The following PDGFD variants were observed in gnomAD, a reference collection of about 807,000 sequenced individuals.
PDGFD encodes the protein platelet-derived growth factor D.
A neutral mutation model predicts 44.7 loss-of-function variants in PDGFD; 30 were observed. The observed-to-expected ratio is 0.67, with a 90% CI of 0.50 to 0.91. PDGFD has a LOEUF of 0.91. Among genes scored for constraint, PDGFD ranks in the 40% least tolerant of loss-of-function variants. The pLI is 0.00. For missense variants in PDGFD, 445 were observed against 457.8 expected, an observed-to-expected ratio of 0.97 and a Z score of 0.25; for synonymous variants, 173 against 168.4, an observed-to-expected ratio of 1.03 and a Z score of -0.21.
rs1555038980 is a variant in PDGFD, at chr11:103,971,540, G to GCA, written c.511-23817_511-23816insTG. 3.3e-5 allele frequency among the ~76,000 whole-genome samples: 5 copies of GCA among 151,928 alleles called. No individual in the cohort carries two copies. The East Asian group carries it at 5.8e-4, about 18-fold the overall frequency. ...GTGAGAAATGGATTAACAGCAATGT[G>GCA]TATACAGAGAAGAACTATCTGAGAT... On this transcript the variant is annotated intron_variant, in intron 3 of 6. Coordinates refer to ENST00000393158, the MANE Select transcript of PDGFD (RefSeq NM_025208.5).
intron 3 of PDGFD, among the ~76,000 whole-genome samples, chr11:103,972,360 A>T (rs77553836): frequency 0.027 from 4,095 of 152,192 alleles, 197 homozygotes; most frequent in African/African-American, 0.094. Flanking sequence ...GGGTATGCCA[A>T]ACCACCCCTG....
Position 104,159,317 on chromosome 11 carries a change from G to C in PDGFD, c.124+4487C>G, listed in dbSNP as rs538422691. Among the ~76,000 whole-genome samples the C allele has an allele frequency of 1.7e-3, 261 of 152,246 alleles. 1 individual carries two copies. The highest frequency in any genetic ancestry group is 3.1e-3 in the Non-Finnish European group (211 of 68,006). On this transcript the variant is annotated intron_variant, in intron 1 of 6. Transcript: ENST00000393158. ...CAAGTCATCTTAATCCTTTTAGAAA[G>C]ATCAATGTATTCCCTGAATGGCATG...
At chr11:104,158,302 G>A (rs886839455) in intron 1 of PDGFD, among the ~76,000 whole-genome samples, 2 of 152,190 alleles carry the variant, frequency 1.3e-5, no homozygotes, top group Admixed American at 6.5e-5. Context: ...GAAGCTACAC[G>A]TGTTCAGCCT....
chr11:103,968,866 C>T (rs560562975), intron 3 of PDGFD, among the ~76,000 whole-genome samples: 10 of 152,320 alleles, frequency 6.6e-5, no homozygotes, highest in Non-Finnish European at 1.2e-4. Context: ...TCTCCAACAT[C>T]ATTTCCAGCC....
intron 1 of PDGFD, among the ~76,000 whole-genome samples, chr11:104,108,876 A>G (rs1319545437): frequency 6.6e-6 from 1 of 152,178 alleles, no homozygotes; most frequent in Non-Finnish European, 1.5e-5. Context: ...CAGCTATAAG[A>G]AAGGATGAGT....
chr11:103,940,320 G>A (rs1157896293), intron 5 of PDGFD, among the ~76,000 whole-genome samples: 1 of 152,038 alleles, frequency 6.6e-6, no homozygotes, highest in African/African-American at 2.4e-5. Flanking sequence ...ACATTCAAAT[G>A]TCATCTTAGA....
chr11:104,052,121 C>T (rs1860549230), intron 1 of PDGFD, among the ~76,000 whole-genome samples: 2 of 152,154 alleles, frequency 1.3e-5, no homozygotes, highest in African/African-American at 2.4e-5. Context: ...CAACACATGA[C>T]CTTCTGTGTT....
chr11:104,071,727 A>G (rs2408841), intron 1 of PDGFD, among the ~76,000 whole-genome samples: 34,069 of 151,420 alleles, frequency 0.22, 4,229 homozygotes, highest in Non-Finnish European at 0.28. Flanking sequence ...TGTAGTTATG[A>G]AACCTTTCCA....
At chr11:103,972,166 T>A (rs1198021869) in intron 3 of PDGFD, among the ~76,000 whole-genome samples, 1 of 152,214 alleles carries the variant, frequency 6.6e-6, no homozygotes, top group Non-Finnish European at 1.5e-5. Flanking sequence ...AAACTCAGCA[T>A]TATTTACACT....
intron 1 of PDGFD, among the ~76,000 whole-genome samples, chr11:104,091,291 G>A (rs1223477272): frequency 6.6e-6 from 1 of 152,048 alleles, no homozygotes; most frequent in Non-Finnish European, 1.5e-5. Context: ...TAATATTACA[G>A]AATCAGGAAT....
At chr11:104,127,082 T>C (rs1340862775) in intron 1 of PDGFD, among the ~76,000 whole-genome samples, 2 of 151,996 alleles carry the variant, frequency 1.3e-5, no homozygotes, top group Non-Finnish European at 2.9e-5. Context: ...CCTGTTTTAC[T>C]CCACAAAAAG....
intron 1 of PDGFD, among the ~76,000 whole-genome samples, chr11:104,093,255 G>T (rs1170215767): frequency 6.6e-6 from 1 of 152,022 alleles, no homozygotes; most frequent in Non-Finnish European, 1.5e-5. Context: ...GGGGGGAGGT[G>T]ATGGGAGATT....
chr11:104,120,009 A>G (rs173413), intron 1 of PDGFD, among the ~76,000 whole-genome samples: 3,657 of 144,078 alleles, frequency 0.025, 167 homozygotes, highest in African/African-American at 0.088. Context: ...ATATATTAAT[A>G]TTATCTATTA....
intron 3 of PDGFD, among the ~76,000 whole-genome samples, chr11:103,968,195 C>T (rs751248711): frequency 5.3e-5 from 8 of 152,094 alleles, no homozygotes; most frequent in Non-Finnish European, 1.0e-4. Flanking sequence ...CTTTTAATGT[C>T]TTCTCGAATT....
chr11:104,078,103 C>T (rs968463874), intron 1 of PDGFD, among the ~76,000 whole-genome samples: 1 of 152,170 alleles, frequency 6.6e-6, no homozygotes, highest in East Asian at 1.9e-4. Context: ...GCCATTGTCT[C>T]TCAAATGCCT....
intron 1 of PDGFD, among the ~76,000 whole-genome samples, chr11:104,069,588 C>G (rs1860843227): frequency 6.6e-6 from 1 of 152,206 alleles, no homozygotes; most frequent in Non-Finnish European, 1.5e-5. Flanking sequence ...TGGCCGGGCA[C>G]AGTGGTTCAT....
intron 1 of PDGFD, among the ~76,000 whole-genome samples, chr11:104,050,322 A>G (rs1489256189): frequency 6.6e-6 from 1 of 152,136 alleles, no homozygotes; most frequent in Non-Finnish European, 1.5e-5. Flanking sequence ...ATAAGAATAA[A>G]AGAAGTGAAG....
At position 104,068,201 on chromosome 11, in the gene PDGFD, C is replaced by A. The variant is rs148295042; in HGVS notation, c.125-67946G>T. Among the ~76,000 whole-genome samples the A allele has an allele frequency of 1.6e-4, 25 of 152,188 alleles. No homozygotes were observed. The East Asian group carries it at 4.8e-3, about 29-fold the overall frequency. On this transcript the variant is annotated intron_variant, in intron 1 of 6. Transcript: ENST00000393158. ...TACCCACACCTTATATGGTGGAAAT[C>A]GATGTCTCCATTACAGAGTTTAAGT...
rs1860598099 is a variant in PDGFD, at chr11:104,054,963, C to G, written c.125-54708G>C. The stretch of plus-strand genomic sequence containing the variant: ...TGTCTTACCTTTAAGCTAAGAAAAA[C>G]AATACTGATCACTTAGAACACATTA... On this transcript the variant is annotated intron_variant, in intron 1 of 6. Transcript: ENST00000393158. 2.6e-5 allele frequency among the ~76,000 whole-genome samples: 4 copies of G among 152,302 alleles called. No individual in the cohort carries two copies. In the South Asian group the frequency reaches 8.3e-4, roughly 32 times the overall value.
Sources: allele counts gnomAD v4.1 joint callset (sites outside exome capture counted in the v4.1 genomes callset), GRCh38; gene constraint gnomAD v4.1.1; transcripts MANE v1.5; gene names NCBI Gene and HGNC (gene_info 2026-07-23, HGNC 2026-07-21).